Variants in HEMK2 observed in about 807,000 individuals in gnomAD.
HEMK2 encodes HemK methyltransferase 2, ETF1 glutamine and histone H4 lysine, also known as methyltransferase HEMK2.
At chr21:28,725,368 T>C in the HEMK2 span, among the ~76,000 whole-genome samples, 1 of 152,030 alleles carries the variant, frequency 6.6e-6, no homozygotes, top group Admixed American at 6.6e-5. Context: ...AAAGCACAGG[T>C]AGGGCAATGG....
At chr21:28,581,960 T>C in the HEMK2 span, among the ~76,000 whole-genome samples, 2 of 152,226 alleles carry the variant, frequency 1.3e-5, no homozygotes, top group African/African-American at 2.4e-5. Flanking sequence ...AATCTTTCAC[T>C]ATGTTCCTAA....
At chr21:28,780,939 T>C in the HEMK2 span, among the ~76,000 whole-genome samples, 35 of 152,298 alleles carry the variant, frequency 2.3e-4, no homozygotes, top group African/African-American at 7.2e-4. Flanking sequence ...AGCTCCCAGA[T>C]AGGCTACACT....
chr21:28,704,112 G>A, the HEMK2 span, among the ~76,000 whole-genome samples: 1 of 152,130 alleles, frequency 6.6e-6, no homozygotes, highest in Non-Finnish European at 1.5e-5. Flanking sequence ...CAGTAGCTTG[G>A]AGGTCATGTT....
the HEMK2 span, among the ~76,000 whole-genome samples, chr21:28,662,546 CTTGAA>C: frequency 6.6e-6 from 1 of 152,150 alleles, no homozygotes; most frequent in African/African-American, 2.4e-5. Context: ...CAAATCTCAT[CTTGAA>C]TTGTAGTTCC....
chr21:28,756,951 T>G, the HEMK2 span, among the ~76,000 whole-genome samples: 1 of 152,246 alleles, frequency 6.6e-6, no homozygotes, highest in Non-Finnish European at 1.5e-5. Context: ...TTAATAACTT[T>G]TGTTCTATCA....
the HEMK2 span, among the ~76,000 whole-genome samples, chr21:28,683,886 T>C: frequency 6.6e-6 from 1 of 152,250 alleles, no homozygotes; most frequent in Non-Finnish European, 1.5e-5. Flanking sequence ...TCACTAACTA[T>C]ATTCTGAAGT....
At chr21:28,861,007 G>T in the HEMK2 span, among the ~76,000 whole-genome samples, 76 of 152,334 alleles carry the variant, frequency 5.0e-4, no homozygotes, top group Middle Eastern at 6.8e-3. Flanking sequence ...AAATTGGCAT[G>T]GTGGAATGAA....
At chr21:28,766,354 A>G in the HEMK2 span, among the ~76,000 whole-genome samples, 1 of 152,044 alleles carries the variant, frequency 6.6e-6, no homozygotes, top group Non-Finnish European at 1.5e-5. Context: ...TCAAAAAACA[A>G]TAGATATTGG....
At chr21:28,868,842 G>C in the HEMK2 span, among the ~76,000 whole-genome samples, 1 of 152,104 alleles carries the variant, frequency 6.6e-6, no homozygotes, top group South Asian at 2.1e-4. Flanking sequence ...TCTGAATATT[G>C]TTATTACAGG....
At chr21:28,816,620 G>A in the HEMK2 span, among the ~76,000 whole-genome samples, 10 of 152,274 alleles carry the variant, frequency 6.6e-5, no homozygotes, top group Non-Finnish European at 1.2e-4. Context: ...GTTGGAGCCC[G>A]CACTGAAATA....
chr21:28,788,284 A>ACACG, the HEMK2 span, among the ~76,000 whole-genome samples: 3 of 110,190 alleles, frequency 2.7e-5, no homozygotes, highest in Admixed American at 1.8e-4. Flanking sequence ...ATATATACAC[A>ACACG]CACACACACA....
chr21:28,738,386 T>C, the HEMK2 span, among the ~76,000 whole-genome samples: 3 of 152,164 alleles, frequency 2.0e-5, no homozygotes, highest in African/African-American at 2.4e-5. Flanking sequence ...ACCTTTTGAG[T>C]GGGCTGTGAT....
At chr21:28,612,909 G>A in the HEMK2 span, among the ~76,000 whole-genome samples, 32 of 152,172 alleles carry the variant, frequency 2.1e-4, no homozygotes, top group African/African-American at 7.7e-4. Context: ...GGAAAACTAC[G>A]AAACACTGAT....
the HEMK2 span, among the ~76,000 whole-genome samples, chr21:28,592,607 A>G: frequency 6.6e-6 from 1 of 152,260 alleles, no homozygotes; most frequent in South Asian, 2.1e-4. Context: ...CATTTTTAAA[A>G]GCCATCCAGC....
At chr21:28,746,577 T>C in the HEMK2 span, among the ~76,000 whole-genome samples, 6 of 151,864 alleles carry the variant, frequency 4.0e-5, no homozygotes, top group Non-Finnish European at 7.4e-5. Context: ...ATAACTATAC[T>C]GGAAATCAAA....
At chr21:28,855,805 C>A in the HEMK2 span, among the ~76,000 whole-genome samples, 6 of 152,128 alleles carry the variant, frequency 3.9e-5, no homozygotes, top group Admixed American at 2.6e-4. Context: ...TCAAGAAATT[C>A]TTTGAAACTA....
At chr21:28,643,659 C>T in the HEMK2 span, among the ~76,000 whole-genome samples, 3 of 152,184 alleles carry the variant, frequency 2.0e-5, no homozygotes, top group African/African-American at 4.8e-5. Flanking sequence ...GCCTAGGCAA[C>T]AGAGTGACCA....
the HEMK2 span, among the ~76,000 whole-genome samples, chr21:28,644,209 A>T: frequency 6.6e-6 from 1 of 152,204 alleles, no homozygotes; most frequent in Non-Finnish European, 1.5e-5. Context: ...GAAGCAAGGC[A>T]CCTTCGTCAC....
the HEMK2 span, chr21:28,876,442 T>G: frequency 6.2e-7 from 1 of 1,612,336 alleles, no homozygotes. Context: ...GTCTGGAAAG[T>G]GCAGTGGTTC....
Sources: allele counts gnomAD v4.1 joint callset (sites outside exome capture counted in the v4.1 genomes callset), GRCh38; gene constraint gnomAD v4.1.1; transcripts MANE v1.5; gene names NCBI Gene and HGNC (gene_info 2026-07-23, HGNC 2026-07-21).